Variants in MAD1L1 observed in about 807,000 individuals in gnomAD.
MAD1L1 encodes the protein mitotic spindle assembly checkpoint protein MAD1.
Under a neutral mutation model 96.9 loss-of-function variants are expected in MAD1L1, and 95 were observed. The ratio of observed to expected loss-of-function variants is 0.98; its 90% CI spans 0.83 to 1.16. The LOEUF is 1.16. Among genes scored for constraint, MAD1L1 ranks in the 50% most tolerant of loss-of-function variants. The probability of loss-of-function intolerance (pLI) is 0.00; values close to 1 mark genes in which losing one functional copy is unlikely to be tolerated. For synonymous variants in MAD1L1, 473 were observed against 396.6 expected (o/e 1.19, Z -2.29); for missense variants, 1,007 against 954.4 (o/e 1.06, Z -0.73).
In MAD1L1 at chr7:2,229,988, A is replaced by G; in HGVS notation, c.146T>C (p.Met49Thr). 6.2e-7 allele frequency: 1 copy of G among 1,612,656 alleles called. No individual in the cohort carries two copies. The highest frequency in any genetic ancestry group is 8.5e-7 in the Non-Finnish European group (1 of 1,179,992). ...ACCCAGGCACATGCCACTCACCTGCATGCTCTGCTGGTACTGCATCTGCAG... is the reference window on the plus strand; with the variant it reads ...ACCCAGGCACATGCCACTCACCTGCGTGCTCTGCTGGTACTGCATCTGCAG... ...GSLQMQYQQSMQLEERAEQIR... is the reference protein window; with the variant it reads ...GSLQMQYQQSTQLEERAEQIR... Residue 49 changes from methionine to threonine, a missense_variant, in exon 3 of 19, where the codon ATG (methionine) becomes ACG (threonine). Transcript: ENST00000265854.
chr7:2,137,776 C>A (rs755060711), intron 11 of MAD1L1, among the ~76,000 whole-genome samples: 4 of 152,208 alleles, frequency 2.6e-5, no homozygotes, highest in African/African-American at 9.7e-5. Flanking sequence ...CAGGAAAGGT[C>A]TCCTGACCAG....
intron 18 of MAD1L1, among the ~76,000 whole-genome samples, chr7:1,826,581 G>A (rs1376539263): frequency 6.6e-6 from 1 of 152,160 alleles, no homozygotes; most frequent in African/African-American, 2.4e-5. Flanking sequence ...CTGCCCCACT[G>A]TCCCTCCGGC....
chr7:2,030,070 C>T (rs949438329), intron 12 of MAD1L1, among the ~76,000 whole-genome samples: 2 of 152,194 alleles, frequency 1.3e-5, no homozygotes, highest in African/African-American at 2.4e-5. Context: ...AGATGGAAAT[C>T]GAGTCTTTGG....
At chr7:2,042,014 A>C (rs1419979041) in intron 12 of MAD1L1, among the ~76,000 whole-genome samples, 2 of 152,066 alleles carry the variant, frequency 1.3e-5, no homozygotes, top group Non-Finnish European at 1.5e-5. Flanking sequence ...CCATCCAAGA[A>C]AGACTTAGAC....
At chr7:1,986,333 C>G (rs1389796145) in intron 14 of MAD1L1, among the ~76,000 whole-genome samples, 1 of 29,866 alleles carries the variant, frequency 3.3e-5, no homozygotes, top group East Asian at 6.2e-4. Flanking sequence ...GAACCACACG[C>G]CAGTCCAGCT....
At chr7:2,124,050 G>A (rs530349315) in intron 11 of MAD1L1, among the ~76,000 whole-genome samples, 1 of 152,328 alleles carries the variant, frequency 6.6e-6, no homozygotes, top group East Asian at 1.9e-4. Context: ...TCTAGACGGG[G>A]AAGCCGGGCA....
intron 7 of MAD1L1, 131 bp from the exon 8 acceptor site, chr7:2,216,418 G>T: frequency 1.1e-6 from 1 of 869,812 alleles, no homozygotes; most frequent in Non-Finnish European, 1.7e-6. Flanking sequence ...TCCAACCACA[G>T]GACGTTCTGG....
intron 17 of MAD1L1, 71 bp from the exon 18 acceptor site, chr7:1,898,461 G>A: frequency 4.3e-6 from 6 of 1,405,166 alleles, no homozygotes; most frequent in Non-Finnish European, 2.0e-6. Context: ...GGAGCGGCCA[G>A]GGCAGGGAGG....
intron 18 of MAD1L1, among the ~76,000 whole-genome samples, chr7:1,893,387 G>T (rs1015337546): frequency 6.6e-6 from 1 of 152,210 alleles, no homozygotes; most frequent in South Asian, 2.1e-4. Flanking sequence ...AAACGGCTTC[G>T]GCTATTTCTA....
chr7:1,818,944 T>C lies in MAD1L1; in HGVS notation c.1999-2716A>G, dbSNP rs549929622. 4.2e-4 allele frequency among the ~76,000 whole-genome samples: 64 copies of C among 152,130 alleles called. 1 individual carries two copies. Among genetic ancestry groups the C allele is most frequent in the African/African-American group, 1.4e-3 (59 of 41,508 alleles). ...CCCCACACGAAGGCAGACCCAGCGTTTGCAAAACACCAGCCCCCGGTGAAC... is the reference window on the plus strand; with the variant it reads ...CCCCACACGAAGGCAGACCCAGCGTCTGCAAAACACCAGCCCCCGGTGAAC... On this transcript the variant is annotated intron_variant, in intron 18 of 18. Transcript: ENST00000265854.
intron 15 of MAD1L1, among the ~76,000 whole-genome samples, chr7:1,976,479 C>G (rs964564770): frequency 6.6e-6 from 1 of 152,186 alleles, no homozygotes; most frequent in Non-Finnish European, 1.5e-5. Flanking sequence ...TTGCCGGCCT[C>G]AGGAGTGAAG....
At chr7:1,942,182 G>C (rs1779032303) in intron 16 of MAD1L1, among the ~76,000 whole-genome samples, 1 of 152,190 alleles carries the variant, frequency 6.6e-6, no homozygotes, top group East Asian at 1.9e-4. Flanking sequence ...TACAGGGGTG[G>C]AGCTGCCACT....
At chr7:1,973,246 T>TG (rs1453783410) in intron 15 of MAD1L1, among the ~76,000 whole-genome samples, 3 of 152,094 alleles carry the variant, frequency 2.0e-5, no homozygotes, top group African/African-American at 7.2e-5. Context: ...CCCGATTCTC[T>TG]GTTCATCCCA....
intron 10 of MAD1L1, among the ~76,000 whole-genome samples, chr7:2,153,931 G>C (rs1460437175): frequency 6.6e-6 from 1 of 152,242 alleles, no homozygotes; most frequent in Admixed American, 6.5e-5. Context: ...GCCGAGGCAG[G>C]TGGATCAGGA....
At chr7:2,118,904 G>A (rs115710525) in intron 11 of MAD1L1, among the ~76,000 whole-genome samples, 61 of 152,278 alleles carry the variant, frequency 4.0e-4, no homozygotes, top group African/African-American at 1.3e-3. Flanking sequence ...AAGCCACCCC[G>A]CGATTGTGCC....
At chr7:1,948,010 C>G (rs1041431866) in intron 16 of MAD1L1, among the ~76,000 whole-genome samples, 2 of 152,206 alleles carry the variant, frequency 1.3e-5, no homozygotes, top group Non-Finnish European at 2.9e-5. Context: ...GTGACCAGTG[C>G]CCGGGAGCGG....
At chr7:1,981,168 T>C (rs909196228) in intron 14 of MAD1L1, among the ~76,000 whole-genome samples, 3 of 152,212 alleles carry the variant, frequency 2.0e-5, no homozygotes, top group Non-Finnish European at 4.4e-5. Flanking sequence ...GGTTTCACTG[T>C]GTTCTCCAGG....
rs558967386 is a variant in MAD1L1, at chr7:1,948,130, C to T, written c.1596+9499G>A. Among the ~76,000 whole-genome samples, 25 of 152,280 alleles carry T rather than the reference C, an allele frequency of 1.6e-4. No homozygotes were observed. In the South Asian group the frequency reaches 5.0e-3, roughly 30 times the overall value. On this transcript the variant is annotated intron_variant, in intron 16 of 18. Coordinates refer to ENST00000265854, the MANE Select transcript of MAD1L1 (RefSeq NM_001013836.2). ...AGTGTCCCGGGCCTCATCTGGGGCA[C>T]CTGCAGGGGGCGAGGGAGTGGCCCG...
Position 2,114,299 on chromosome 7 carries a change from G to A in MAD1L1, c.1073+34853C>T, listed in dbSNP as rs114028078. On this transcript the variant is annotated intron_variant, in intron 11 of 18. Transcript: ENST00000265854. The surrounding 1 kb of genome is among the most constrained non-coding windows in gnomAD (Gnocchi z 4.2). ...AAGGCCATCTCAACACACCTCGGGC[G>A]GGAGAGCCCTGAGCCAGCCCACGGT... Among the ~76,000 whole-genome samples the A allele has an allele frequency of 2.9e-4, 44 of 152,296 alleles. No individual in the cohort carries two copies. Among genetic ancestry groups the A allele is most frequent in the African/African-American group, 1.0e-3 (43 of 41,556 alleles).
Sources: allele counts gnomAD v4.1 joint callset (sites outside exome capture counted in the v4.1 genomes callset), GRCh38; gene constraint gnomAD v4.1.1; non-coding constraint Gnocchi (gnomAD v3.1); transcripts MANE v1.5; gene names NCBI Gene and HGNC (gene_info 2026-07-23, HGNC 2026-07-21).